The following ADHFE1 variants were observed in gnomAD, a reference collection of about 807,000 sequenced individuals.
The protein encoded by ADHFE1 is alcohol dehydrogenase iron containing 1.
In ADHFE1, 37 loss-of-function variants were observed where a neutral mutation model predicts 54.8. The ratio of observed to expected loss-of-function variants is 0.68; its 90% confidence interval spans 0.52 to 0.89. ADHFE1 has a LOEUF of 0.89. ADHFE1 is among the 40% of genes least tolerant of loss of function. The pLI is 0.00. For missense variants in ADHFE1, 601 were observed against 591.2 expected, an observed-to-expected ratio of 1.02 and a Z score of -0.17; for synonymous variants, 203 against 229.3, an observed-to-expected ratio of 0.89 and a Z score of 1.04.
chr8:66,444,269 T>C, intron 3 of ADHFE1, 98 bp from the exon 4 acceptor site: 1 of 1,147,084 alleles, frequency 8.7e-7, no homozygotes, highest in Non-Finnish European at 1.3e-6. Flanking sequence ...GAGTGTATAC[T>C]TTATGCTCTA....
At chr8:66,444,931 T>C (rs1805949237) in intron 5 of ADHFE1, among the ~76,000 whole-genome samples, 183 bp downstream of exon 5, 1 of 151,994 alleles carries the variant, frequency 6.6e-6, no homozygotes, top group African/African-American at 2.4e-5. Flanking sequence ...TGAAACACTG[T>C]CTCTACTAAA....
At chr8:66,445,100 C>CAAA in intron 5 of ADHFE1, 118 bp from the exon 6 acceptor site, 6 of 865,930 alleles carry the variant, frequency 6.9e-6, no homozygotes, top group African/African-American at 1.9e-5. Flanking sequence ...GACTCCGTCT[C>CAAA]AAAAAAAAAA....
At chr8:66,458,249 C>T (rs1806700594) in intron 12 of ADHFE1, among the ~76,000 whole-genome samples, 2 of 152,216 alleles carry the variant, frequency 1.3e-5, no homozygotes, top group Admixed American at 1.3e-4. Context: ...CTTCATTATG[C>T]TCTCCTAGCC....
At chr8:66,466,040 G>GT (rs35896820) in intron 13 of ADHFE1, among the ~76,000 whole-genome samples, 1,598 of 145,820 alleles carry the variant, frequency 0.011, 16 homozygotes, top group Non-Finnish European at 0.017. Flanking sequence ...TAGTTTATCT[G>GT]TTTTTTTTTT....
At chr8:66,463,276 T>C (rs1446844298) in intron 13 of ADHFE1, among the ~76,000 whole-genome samples, 1 of 152,204 alleles carries the variant, frequency 6.6e-6, no homozygotes, top group East Asian at 1.9e-4. Context: ...AAATCACAGA[T>C]AGCAAAATCT....
chr8:66,459,542 G>C (rs575082901), intron 12 of ADHFE1: 2 of 150,758 alleles, frequency 1.3e-5, no homozygotes, highest in East Asian at 3.9e-4. Flanking sequence ...GATTACAGAT[G>C]TGAGCCACCA....
At chr8:66,467,046 G>C (rs988010759) in intron 13 of ADHFE1, among the ~76,000 whole-genome samples, 2 of 152,146 alleles carry the variant, frequency 1.3e-5, no homozygotes, top group Middle Eastern at 3.2e-3. Flanking sequence ...CACTTTGGCT[G>C]CTGTGGGGAG....
At position 66,460,396 on chromosome 8, in the gene ADHFE1, T is replaced by C; in HGVS notation, c.1251T>C (p.Asp417=). The change falls in exon 13 of 14, where the codon GAT becomes GAC. Residue 417 remains aspartate, a synonymous_variant. Transcript: ENST00000396623. The part of the protein sequence containing the change: ...LRKFLFDLDV[D]DGLAAVGYSK... ...AATTCTTATTCGATCTGGATGTTGA[T>C]GATGGCCTAGCAGCTGTTGGTTACT... The C allele has an allele frequency of 6.2e-7, 1 of 1,613,910 alleles. No homozygotes were observed. The highest frequency in any genetic ancestry group is 8.5e-7 in the Non-Finnish European group (1 of 1,179,810).
Position 66,456,813 on chromosome 8 carries a change from C to A in ADHFE1, c.987-4C>A. The A allele has an allele frequency of 6.2e-7, 1 of 1,605,682 alleles. No homozygotes were observed. Among genetic ancestry groups the A allele is most frequent in the Non-Finnish European group, 8.5e-7 (1 of 1,174,308 alleles). ...TGAACATAAGGATTTTCTTTCTTTT[C>A]TAGCCATGGAATGTCTTACCCAATT... On this transcript the variant is annotated splice_polypyrimidine_tract_variant and splice_region_variant and intron_variant, in intron 10 of 13. Transcript: ENST00000396623.
At chr8:66,436,470 T>C (rs1286167145) in intron 1 of ADHFE1, among the ~76,000 whole-genome samples, 2 of 151,768 alleles carry the variant, frequency 1.3e-5, no homozygotes, top group East Asian at 1.9e-4. Context: ...GGGCCAAGGG[T>C]GACCCCAAGA....
chr8:66,457,316 C>CA (rs34743572), intron 12 of ADHFE1, 150 bp downstream of exon 12: 108,494 of 410,990 alleles, frequency 0.26, 6,842 homozygotes, highest in African/African-American at 0.42. Flanking sequence ...CCATCTCTAC[C>CA]AAAAAAAAAA....
At chr8:66,432,622 G>T (rs1399893773) in intron 1 of ADHFE1, 47 bp downstream of exon 1, 1 of 1,282,102 alleles carries the variant, frequency 7.8e-7, no homozygotes, top group Admixed American at 4.1e-5. Context: ...GGGTGCCCAC[G>T]CAGCCCCCTG....
At position 66,454,077 on chromosome 8, in the gene ADHFE1, T is replaced by C; in HGVS notation, c.906T>C (p.Asp302=). 6.2e-7 allele frequency: 1 copy of C among 1,614,114 alleles called. No individual in the cohort carries two copies. The highest frequency in any genetic ancestry group is 8.5e-7 in the Non-Finnish European group (1 of 1,180,002). Residue 302 remains aspartate, a synonymous_variant, in exon 10 of 14, where the codon GAT becomes GAC. Transcript: ENST00000396623. ...TTCACAGGGCTGTCAGAAATCCCGATGATCTTGAAGCAAGGTCTCATATGC... is the reference window on the plus strand; with the variant it reads ...TTCACAGGGCTGTCAGAAATCCCGACGATCTTGAAGCAAGGTCTCATATGC... ...KYLKRAVRNP[D]DLEARSHMHL...
At chr8:66,444,259 G>C in intron 3 of ADHFE1, 108 bp from the exon 4 acceptor site, 1 of 970,936 alleles carries the variant, frequency 1.0e-6, no homozygotes, top group Non-Finnish European at 1.6e-6. Flanking sequence ...CCATGCTAAG[G>C]AGTGTATACT....
chr8:66,454,027 G>A (rs753299825), intron 9 of ADHFE1, 32 bp from the exon 10 acceptor site: 4 of 1,608,374 alleles, frequency 2.5e-6, no homozygotes, highest in South Asian at 1.1e-5. Flanking sequence ...CAATGTTGAT[G>A]TGTTATTGTT....
intron 1 of ADHFE1, among the ~76,000 whole-genome samples, chr8:66,434,216 T>G (rs10095182): frequency 0.13 from 20,216 of 152,166 alleles, 1,483 homozygotes; most frequent in Middle Eastern, 0.18. Flanking sequence ...AGTGGGCTCA[T>G]TTACCAAGGC....
intron 9 of ADHFE1, 84 bp from the exon 10 acceptor site, chr8:66,453,975 C>A: frequency 6.4e-7 from 1 of 1,552,286 alleles, no homozygotes; most frequent in South Asian, 1.2e-5. Flanking sequence ...TTTTTTTCAC[C>A]ATATCTTTCC....
intron 10 of ADHFE1, among the ~76,000 whole-genome samples, chr8:66,454,938 A>G (rs1015331973): frequency 6.6e-6 from 1 of 152,002 alleles, no homozygotes; most frequent in Non-Finnish European, 1.5e-5. Context: ...GGCTGGTCTC[A>G]AACTCCTGAC....
At position 66,445,422 on chromosome 8, in the gene ADHFE1, CTG is replaced by C; in HGVS notation, c.550+10_550+11del. ...TTAAGCCTCTGATTGCAGGTAAAGA[CTG>C]TTTATTTCTTTGTTTGTTTTATTTT... On this transcript the variant is annotated intron_variant, in intron 6 of 13. Coordinates refer to ENST00000396623, the MANE Select transcript of ADHFE1 (RefSeq NM_144650.3). The C allele has an allele frequency of 6.3e-7, 1 of 1,589,952 alleles. No homozygotes were observed. The highest frequency in any genetic ancestry group is 8.5e-7 in the Non-Finnish European group (1 of 1,171,268).
Sources: gnomAD v4.1 joint callset for allele counts (sites outside exome capture counted in the v4.1 genomes callset) on GRCh38, gnomAD v4.1.1 for gene constraint, MANE v1.5 for transcripts, NCBI Gene and HGNC (gene_info 2026-07-23, HGNC 2026-07-21) for gene names.